GRIA3: variants seen among roughly 807,000 people sequenced by gnomAD.
GRIA3 encodes the protein glutamate receptor 3.
A neutral mutation model predicts 63.0 loss-of-function variants in GRIA3; 3 were observed. The ratio of observed to expected loss-of-function variants is 0.05; its 90% CI spans 0.02 to 0.12. The LOEUF (loss-of-function observed/expected upper bound fraction) is 0.12, where lower values mean the gene tolerates loss of function less well. Among genes scored for constraint, GRIA3 ranks in the 10% least tolerant of loss-of-function variants. GRIA3 has a pLI of 1.00. For synonymous variants in GRIA3, 274 were observed against 257.9 expected (o/e 1.06, Z -0.60); for missense variants, 347 against 700.9 (o/e 0.50, Z 5.70).
intron 2 of GRIA3, among the ~76,000 whole-genome samples, chrX:123,245,647 A>G (rs1264897063): frequency 9.0e-6 from 1 of 111,395 alleles, no homozygotes. Flanking sequence ...TTTAGCCAAC[A>G]ATATCAAATG....
intron 5 of GRIA3, among the ~76,000 whole-genome samples, chrX:123,371,554 C>A (rs868528413): frequency 9.0e-6 from 1 of 111,201 alleles, no homozygotes; most frequent in Non-Finnish European, 1.9e-5. Context: ...TTTTTATTGT[C>A]TGCCTTTGTA....
At chrX:123,462,388 C>T (rs1329436909) in intron 12 of GRIA3, among the ~76,000 whole-genome samples, 3 of 111,867 alleles carry the variant, frequency 2.7e-5, no homozygotes, top group Admixed American at 9.4e-5. Flanking sequence ...TCATTTCCTA[C>T]GACTCTCCCT....
chrX:123,393,447 G>A (rs1286557339), intron 5 of GRIA3, among the ~76,000 whole-genome samples: 2 of 112,199 alleles, frequency 1.8e-5, no homozygotes, highest in African/African-American at 6.5e-5. Context: ...AAACATTAAA[G>A]AATGGATATG....
At chrX:123,433,366 T>G (rs947832877) in intron 12 of GRIA3, among the ~76,000 whole-genome samples, 1 of 112,135 alleles carries the variant, frequency 8.9e-6, no homozygotes, top group Non-Finnish European at 1.9e-5. Context: ...GAGAGTTGCA[T>G]TATCTCTATC....
intron 13 of GRIA3, among the ~76,000 whole-genome samples, chrX:123,469,528 C>T (rs1477773609): frequency 8.9e-6 from 1 of 111,988 alleles, no homozygotes; most frequent in African/African-American, 3.2e-5. Context: ...CAAACCTGAG[C>T]TAATAGGACC....
At chrX:123,341,183 G>C (rs2045006460) in intron 4 of GRIA3, among the ~76,000 whole-genome samples, 1 of 111,638 alleles carries the variant, frequency 9.0e-6, no homozygotes, top group Non-Finnish European at 1.9e-5. Context: ...TTCCATTACA[G>C]GGAACTCAGA....
chrX:123,220,376 G>T (rs1195112052), intron 2 of GRIA3, among the ~76,000 whole-genome samples: 1 of 112,312 alleles, frequency 8.9e-6, no homozygotes, highest in African/African-American at 3.2e-5. Context: ...TTGAAGAATT[G>T]CCTCTGAAGG....
Position 123,433,191 on chromosome X carries a change from T to C in GRIA3, c.2076+5052T>C, listed in dbSNP as rs1305659586. Among the ~76,000 whole-genome samples the C allele has an allele frequency of 3.6e-5, 4 of 112,048 alleles. No individual in the cohort carries two copies. In the South Asian group the frequency reaches 1.1e-3, roughly 31 times the overall value. The stretch of plus-strand genomic sequence containing the variant: ...ATGTCAATTTGATATGTTTGGACAG[T>C]TGACAGGGAAATAGTACTGTTTTAA... On this transcript the variant is annotated intron_variant, in intron 12 of 15. Transcript: ENST00000620443.
intron 7 of GRIA3, among the ~76,000 whole-genome samples, chrX:123,399,573 T>TATTTTGCTTTATGCTACATGTG (rs2045433842): frequency 8.9e-6 from 1 of 112,031 alleles, no homozygotes; most frequent in East Asian, 2.8e-4. Context: ...AAGAGCTCTG[T>TATTTTGCTTTATGCTACATGTG]CCTGAATATT....
rs931333478 is a variant in GRIA3, at chrX:123,422,199, T to C, written c.1877+4421T>C. On this transcript the variant is annotated intron_variant, in intron 11 of 15. Coordinates refer to ENST00000620443, the MANE Select transcript of GRIA3 (RefSeq NM_007325.5). ...TGAGCATTTAAAATATTATCGAGAG[T>C]GTGTATGCTCAAAGTAAGAGACTGG... Among the ~76,000 whole-genome samples, 8 of 111,745 alleles carry C rather than the reference T, an allele frequency of 7.2e-5. No individual in the cohort carries two copies. The Admixed American group carries it at 7.6e-4, about 11-fold the overall frequency.
At chrX:123,386,089 T>A (rs1299488001) in intron 5 of GRIA3, among the ~76,000 whole-genome samples, 2 of 111,740 alleles carry the variant, frequency 1.8e-5, no homozygotes, top group Non-Finnish European at 3.8e-5. Flanking sequence ...CTTGCCAGCA[T>A]CTGGTTGTTG....
chrX:123,441,825 C>T (rs1165284789), intron 12 of GRIA3, among the ~76,000 whole-genome samples: 1 of 108,556 alleles, frequency 9.2e-6, no homozygotes, highest in Non-Finnish European at 1.9e-5. Flanking sequence ...CCTCTGAACA[C>T]ACACACACAC....
chrX:123,304,395 G>A (rs1393104674), intron 3 of GRIA3, among the ~76,000 whole-genome samples: 1 of 111,498 alleles, frequency 9.0e-6, no homozygotes, highest in East Asian at 2.8e-4. Context: ...TGATATCTAA[G>A]GTCCCTTTCA....
At chrX:123,184,711 C>A in intron 1 of GRIA3, 67 bp downstream of exon 1, 1 of 726,617 alleles carries the variant, frequency 1.4e-6, no homozygotes, top group Non-Finnish European at 2.1e-6. Context: ...CCCGGCAAGG[C>A]TTTCCCTGCG....
intron 4 of GRIA3, among the ~76,000 whole-genome samples, chrX:123,327,911 C>G (rs2044916676): frequency 9.0e-6 from 1 of 111,305 alleles, no homozygotes; most frequent in Non-Finnish European, 1.9e-5. Context: ...GGTGTATGTA[C>G]TACATGCCCT....
Position 123,381,820 on chromosome X carries a change from G to A in GRIA3, c.751-13148G>A, listed in dbSNP as rs1485327867. On this transcript the variant is annotated intron_variant, in intron 5 of 15. Coordinates refer to ENST00000620443, the MANE Select transcript of GRIA3 (RefSeq NM_007325.5). Reference sequence around the variant, plus strand: ...AAGGTATCAGAAAAAGAAAGATGACGAAGAGTCAACAAACTCCTGTCTTTA... The same window carrying A: ...AAGGTATCAGAAAAAGAAAGATGACAAAGAGTCAACAAACTCCTGTCTTTA... Among the ~76,000 whole-genome samples, 20 of 112,012 alleles carry A rather than the reference G, an allele frequency of 1.8e-4. No homozygotes were observed. In the Admixed American group the frequency reaches 1.9e-3, roughly 11 times the overall value.
chrX:123,268,341 A>C (rs1410619870), intron 3 of GRIA3, among the ~76,000 whole-genome samples: 2 of 110,799 alleles, frequency 1.8e-5, no homozygotes, highest in Non-Finnish European at 3.8e-5. Context: ...GCACAAATGT[A>C]TTCCTTCTGA....
chrX:123,239,894 C>CA (rs1440362260), intron 2 of GRIA3, among the ~76,000 whole-genome samples: 1 of 112,218 alleles, frequency 8.9e-6, no homozygotes, highest in Admixed American at 9.4e-5. Flanking sequence ...AGTTAACAGA[C>CA]ATGAGACACA....
chrX:123,413,916 G>A (rs2045521840), intron 10 of GRIA3, among the ~76,000 whole-genome samples: 1 of 112,130 alleles, frequency 8.9e-6, no homozygotes. Flanking sequence ...ATTCAGAAAG[G>A]TAGGAGGAGA....
Sources: allele counts gnomAD v4.1 joint callset (sites outside exome capture counted in the v4.1 genomes callset), GRCh38; gene constraint gnomAD v4.1.1; transcripts MANE v1.5; gene names NCBI Gene and HGNC (gene_info 2026-07-23, HGNC 2026-07-21).